Variants in CEP290 observed in about 807,000 individuals in gnomAD.
CEP290 encodes centrosomal protein 290.
In CEP290, 317 loss-of-function variants were observed where a neutral mutation model predicts 344.9. The observed-to-expected ratio is 0.92, with a 90% confidence interval of 0.84 to 1.01. The LOEUF (loss-of-function observed/expected upper bound fraction) is 1.01, where lower values mean the gene tolerates loss of function less well. Ranked by LOEUF, CEP290 falls within the 50% of genes least tolerant of loss-of-function variation. The pLI is 0.00. For missense variants in CEP290, 2,754 were observed against 2,761.4 expected, an observed-to-expected ratio of 1.00 and a Z score of 0.06; for synonymous variants, 932 against 895.8, an observed-to-expected ratio of 1.04 and a Z score of -0.72.
chr12:88,136,550 A>T, intron 6 of CEP290, 93 bp downstream of exon 6: 1 of 1,248,400 alleles, frequency 8.0e-7, no homozygotes. Flanking sequence ...TTCAAATATA[A>T]CATACAATAT....
intron 25 of CEP290, among the ~76,000 whole-genome samples, chr12:88,106,330 G>A (rs2038276469): frequency 1.3e-5 from 2 of 152,050 alleles, no homozygotes; most frequent in African/African-American, 4.8e-5. Flanking sequence ...AAAGATTTAT[G>A]AGATGTAACA....
intron 5 of CEP290, among the ~76,000 whole-genome samples, chr12:88,137,099 T>C (rs902354387): frequency 6.6e-6 from 1 of 152,104 alleles, no homozygotes; most frequent in East Asian, 1.9e-4. Context: ...CTCAGGGATC[T>C]GGAACCTGAG....
chr12:88,056,843 A>C (rs2034047924), intron 49 of CEP290, among the ~76,000 whole-genome samples: 1 of 152,142 alleles, frequency 6.6e-6, no homozygotes, highest in African/African-American at 2.4e-5. Context: ...AGGGTATATA[A>C]TCCTCCCAGA....
intron 44 of CEP290, among the ~76,000 whole-genome samples, chr12:88,067,736 C>A (rs972554176): frequency 1.3e-5 from 2 of 152,138 alleles, no homozygotes; most frequent in Non-Finnish European, 2.9e-5. Flanking sequence ...TGCCAACTTA[C>A]CATTTGTTGA....
At chr12:88,116,655 A>C (rs535973148) in intron 18 of CEP290, among the ~76,000 whole-genome samples, 4 of 152,178 alleles carry the variant, frequency 2.6e-5, no homozygotes, top group Admixed American at 6.5e-5. Context: ...AATGAGATAA[A>C]GGGGGAAGAA....
intron 6 of CEP290, 140 bp from the exon 7 acceptor site, chr12:88,131,358 G>C: frequency 1.8e-6 from 1 of 549,054 alleles, no homozygotes. Flanking sequence ...CTGCCTCCCG[G>C]TTCAAGCAAT....
intron 13 of CEP290, among the ~76,000 whole-genome samples, chr12:88,121,382 T>C (rs544298221): frequency 1.3e-5 from 2 of 152,298 alleles, no homozygotes; most frequent in South Asian, 2.1e-4. Flanking sequence ...TGAAGGGGTA[T>C]GGATTTTAAA....
chr12:88,058,916 AAACTGC>A lies in CEP290; in HGVS notation c.6744_6749del (p.Leu2248_Gln2249del). ...CAAGCTGTGGACCTCTGCTTTCTGC[AAACTGC>A]AATCTCTTACCAGTCTCTTCTAGTT... On this transcript the variant is annotated inframe_deletion, in exon 49 of 54. Transcript: ENST00000552810. 3 of 1,613,978 alleles carry A rather than the reference AAACTGC, an allele frequency of 1.9e-6. No homozygotes were observed. Among genetic ancestry groups the A allele is most frequent in the Non-Finnish European group, 2.5e-6 (3 of 1,179,888 alleles).
intron 25 of CEP290, among the ~76,000 whole-genome samples, chr12:88,104,988 A>G (rs1250098478): frequency 6.6e-6 from 1 of 152,196 alleles, no homozygotes; most frequent in Non-Finnish European, 1.5e-5. Flanking sequence ...TGGTTTAAAT[A>G]TATACATATT....
Position 88,093,917 on chromosome 12 carries a change from G to A in CEP290, c.3162C>T (p.Ser1054=), listed in dbSNP as rs1384805764. ...KKSITNSDIV[S]ISKKITMLEM... is the part of the protein sequence containing the mutation. ...CCAGCATAGTTATTTTTTTTGAAAT[G>A]GAAACAATGTCACTGTTGGTTATTG... The change falls in exon 28 of 54, where the codon TCC becomes TCT. Residue 1054 remains serine (S), a synonymous_variant. Coordinates refer to ENST00000552810, the MANE Select transcript of CEP290 (RefSeq NM_025114.4). The A allele has an allele frequency of 6.2e-7, 1 of 1,612,090 alleles. No homozygotes were observed. The highest frequency in any genetic ancestry group is 1.7e-5 in the Admixed American group (1 of 59,886).
chr12:88,057,504 A>T (rs113936366), intron 49 of CEP290, among the ~76,000 whole-genome samples: 7 of 152,166 alleles, frequency 4.6e-5, no homozygotes, highest in African/African-American at 1.7e-4. Flanking sequence ...GGGTCCAATA[A>T]GACAGTAGAA....
chr12:88,091,775 G>C (rs1261436098), intron 29 of CEP290, among the ~76,000 whole-genome samples: 2 of 152,022 alleles, frequency 1.3e-5, no homozygotes, highest in South Asian at 4.1e-4. Context: ...TTATGAGTAG[G>C]CCATAAAATA....
At chr12:88,117,669 T>A (rs748688398) in intron 17 of CEP290, among the ~76,000 whole-genome samples, 2 of 152,236 alleles carry the variant, frequency 1.3e-5, no homozygotes, top group Non-Finnish European at 2.9e-5. Flanking sequence ...AACTGTTCTC[T>A]TTAGCTCAAG....
chr12:88,115,461 T>A, intron 18 of CEP290: 3 of 1,299,068 alleles, frequency 2.3e-6, no homozygotes, highest in South Asian at 2.5e-5. Flanking sequence ...TCTTTTAATG[T>A]TCTGCCTTTA....
chr12:88,136,232 A>C (rs1193871530), intron 6 of CEP290: 1 of 172,330 alleles, frequency 5.8e-6, no homozygotes, highest in Non-Finnish European at 1.2e-5. Flanking sequence ...GAATATATCG[A>C]AAGATTCATT....
In CEP290 at chr12:88,089,208, T is replaced by C. The variant is rs765521933; in HGVS notation, c.3853A>G (p.Lys1285Glu). The C allele has an allele frequency of 3.0e-5, 49 of 1,613,370 alleles. No homozygotes were observed. Among genetic ancestry groups the C allele is most frequent in the Non-Finnish European group, 4.0e-5 (47 of 1,179,614 alleles). ...SGALPLAQQE[K>E]FSKTMIQLQN... is the part of the protein sequence containing the mutation. ...AGTTGAATCATTGTTTTGGAGAACTTTTCCTGTTGTGCCAAGGGTAAAGCT... is the reference window on the plus strand; with the variant it reads ...AGTTGAATCATTGTTTTGGAGAACTCTTCCTGTTGTGCCAAGGGTAAAGCT... The change falls in exon 31 of 54, where the codon AAG becomes GAG. Residue 1285 changes from lysine to glutamate, a missense_variant. Coordinates refer to ENST00000552810, the MANE Select transcript of CEP290 (RefSeq NM_025114.4).
rs567545875 is a variant in CEP290 at position 88,112,689 on chromosome 12, C to T, written c.2053-831G>A. ...AAGGTAAAATGAATAGAACCAAATG[C>T]AATCTCCTACTCAGGAAGGTGATCT... On this transcript the variant is annotated intron_variant, in intron 20 of 53. Coordinates refer to ENST00000552810, the MANE Select transcript of CEP290 (RefSeq NM_025114.4). Among the ~76,000 whole-genome samples the T allele has an allele frequency of 1.7e-3, 259 of 152,200 alleles. 1 individual carries two copies. Among genetic ancestry groups the T allele is most frequent in the Middle Eastern group, 3.4e-3 (1 of 294 alleles).
chr12:88,120,360 T>A (rs191776519), intron 14 of CEP290, 84 bp from the exon 15 acceptor site: 1 of 686,094 alleles, frequency 1.5e-6, no homozygotes, highest in East Asian at 3.3e-5. Flanking sequence ...TTTTACTAAG[T>A]CTAAAGGAAA....
chr12:88,130,214 T>G, intron 9 of CEP290, 54 bp downstream of exon 9: 1 of 1,478,148 alleles, frequency 6.8e-7, no homozygotes, highest in Non-Finnish European at 9.1e-7. Flanking sequence ...TACATTGTAA[T>G]GAAATTAAAG....
Sources: allele counts gnomAD v4.1 joint callset (sites outside exome capture counted in the v4.1 genomes callset), GRCh38; gene constraint gnomAD v4.1.1; transcripts MANE v1.5; gene names NCBI Gene and HGNC (gene_info 2026-07-23, HGNC 2026-07-21).